The following DNAI1 variants were observed in gnomAD, a reference collection of about 807,000 sequenced individuals.
The protein encoded by DNAI1 is dynein axonemal intermediate chain 1.
A neutral mutation model predicts 92.0 loss-of-function variants in DNAI1; 67 were observed. The observed-to-expected ratio is 0.73, with a 90% confidence interval of 0.60 to 0.89. The LOEUF (loss-of-function observed/expected upper bound fraction) is 0.89. Ranked by LOEUF, DNAI1 falls within the 40% of genes least tolerant of loss-of-function variation. DNAI1 has a pLI of 0.00. For synonymous variants in DNAI1, 323 were observed against 319.6 expected (o/e 1.01, Z -0.11); for missense variants, 839 against 866.6 (o/e 0.97, Z 0.40).
intron 1 of DNAI1, among the ~76,000 whole-genome samples, chr9:34,470,333 G>T (rs1824114067): frequency 1.3e-5 from 2 of 151,594 alleles, no homozygotes; most frequent in African/African-American, 4.8e-5. Flanking sequence ...CTAGGAAAAA[G>T]AAAAAAACAA....
At chr9:34,477,209 G>T (rs577688067) in intron 1 of DNAI1, among the ~76,000 whole-genome samples, 1 of 152,190 alleles carries the variant, frequency 6.6e-6, no homozygotes, top group Non-Finnish European at 1.5e-5. Flanking sequence ...TGTGGAGATG[G>T]GGTGTGGCTT....
chr9:34,509,265 G>C (rs923962086), intron 13 of DNAI1, among the ~76,000 whole-genome samples: 1 of 152,078 alleles, frequency 6.6e-6, no homozygotes, highest in African/African-American at 2.4e-5. Flanking sequence ...GATGAAGAAG[G>C]GTACAAAGGG....
At chr9:34,477,473 A>G (rs913458696) in intron 1 of DNAI1, among the ~76,000 whole-genome samples, 1 of 152,176 alleles carries the variant, frequency 6.6e-6, no homozygotes. Flanking sequence ...AGCTTAGTAA[A>G]TGACCGGCCC....
chr9:34,493,265 G>T lies in DNAI1; in HGVS notation c.753G>T (p.Lys251Asn), dbSNP rs1167979080. ...AGACCAAAGAGAAGGAGAAGGCAAA[G>T]ACCCCAGTGGCTAAAAAATCAGGGA... ...QEKTKEKEKA[K>N]TPVAKKSGKM... The change falls in exon 9 of 20, where the codon AAG becomes AAT. Residue 251 changes from lysine (K) to asparagine (N), a missense_variant. Transcript: ENST00000242317. The T allele has an allele frequency of 1.2e-6, 2 of 1,614,190 alleles. No individual in the cohort carries two copies. The highest frequency in any genetic ancestry group is 2.2e-5 in the South Asian group (2 of 91,078).
rs574634869 is a variant in DNAI1 at position 34,496,970 on chromosome 9, A to G, written c.817-145A>G. 1.5e-4 allele frequency: 108 copies of G among 732,512 alleles called. No individual in the cohort carries two copies. In the African/African-American group the frequency reaches 1.8e-3, roughly 12 times the overall value. 45.4% of individuals were successfully genotyped at this position (732,512 alleles called of 1,614,324 possible). ...AGTGGCATGAGCTGGGCCTTGAGACATGCAGAGAAACCTTTACAGAGCTAT... is the reference window on the plus strand; with the variant it reads ...AGTGGCATGAGCTGGGCCTTGAGACGTGCAGAGAAACCTTTACAGAGCTAT... On this transcript the variant is annotated intron_variant, in intron 9 of 19. Coordinates refer to ENST00000242317, the MANE Select transcript of DNAI1 (RefSeq NM_012144.4).
At chr9:34,500,183 A>G (rs1017453217) in intron 10 of DNAI1, among the ~76,000 whole-genome samples, 1 of 152,226 alleles carries the variant, frequency 6.6e-6, no homozygotes, top group Admixed American at 6.5e-5. Context: ...AGTGGAAGGC[A>G]GAGACAATTT....
intron 8 of DNAI1, 115 bp from the exon 9 acceptor site, chr9:34,493,079 A>T (rs1587073295): frequency 7.2e-7 from 1 of 1,386,714 alleles, no homozygotes; most frequent in East Asian, 2.3e-5. Context: ...GCCAAGTAGA[A>T]GATGCTTGTT....
chr9:34,502,047 G>C (rs1178767951), intron 12 of DNAI1, among the ~76,000 whole-genome samples: 1 of 152,218 alleles, frequency 6.6e-6, no homozygotes, highest in African/African-American at 2.4e-5. Context: ...GGGAGGATCA[G>C]CTTCTGCAAA....
intron 19 of DNAI1, among the ~76,000 whole-genome samples, chr9:34,520,261 G>A (rs1470824746): frequency 6.6e-6 from 1 of 152,146 alleles, no homozygotes; most frequent in African/African-American, 2.4e-5. Context: ...TTAGCTCCTT[G>A]ATAGGTCTCG....
Position 34,485,434 on chromosome 9 carries a change from CAGGAGTTAA to C in DNAI1, c.184_192del (p.Leu62_Glu64del). 1 of 1,614,098 alleles carries C rather than the reference CAGGAGTTAA, an allele frequency of 6.2e-7. No individual in the cohort carries two copies. Among genetic ancestry groups the C allele is most frequent in the Non-Finnish European group, 8.5e-7 (1 of 1,180,012 alleles). On this transcript the variant is annotated splice_acceptor_variant and coding_sequence_variant, in exon 4 of 20. Transcript: ENST00000242317. LOFTEE classifies it high-confidence loss of function. ...TGACCCTCTTGGTATTTTTCTCCCT[CAGGAGTTAA>C]AGGAGGAGTTCACTCGGATTTTGAC...
intron 3 of DNAI1, 61 bp downstream of exon 3, chr9:34,485,301 T>C (rs1824448752): frequency 6.2e-7 from 1 of 1,607,568 alleles, no homozygotes; most frequent in African/African-American, 1.3e-5. Flanking sequence ...AGATGTGTTC[T>C]TCCATAGTAC....
Position 34,490,452 on chromosome 9 carries a change from T to C in DNAI1, c.585T>C (p.Ser195=). The change falls in exon 7 of 20, where the codon AGT becomes AGC. Residue 195 remains serine (S), a synonymous_variant. Transcript: ENST00000242317. ...ERKLTNQFNF[S]ERASQTYNNP... ...AGCTCACTAACCAGTTCAACTTCAG[T>C]GAGAGGGCCTCACAGACCTACAACA... 1 of 1,614,126 alleles carries C rather than the reference T, an allele frequency of 6.2e-7. No individual in the cohort carries two copies. The highest frequency in any genetic ancestry group is 8.5e-7 in the Non-Finnish European group (1 of 1,180,024).
At chr9:34,493,580 A>G (rs1824657403) in intron 9 of DNAI1, among the ~76,000 whole-genome samples, 1 of 152,174 alleles carries the variant, frequency 6.6e-6, no homozygotes, top group Non-Finnish European at 1.5e-5. Flanking sequence ...GCTAGAGGGT[A>G]ACAGAAGACA....
chr9:34,496,065 A>G (rs899374059), intron 9 of DNAI1, among the ~76,000 whole-genome samples: 1 of 152,198 alleles, frequency 6.6e-6, no homozygotes, highest in Non-Finnish European at 1.5e-5. Context: ...GAACTGGGTT[A>G]GACACTAACA....
rs780083408 is a variant in DNAI1, at chr9:34,517,396, A to G, written c.1930A>G (p.Ile644Val). 3.1e-6 allele frequency: 5 copies of G among 1,614,026 alleles called. No homozygotes were observed. The East Asian group carries it at 1.1e-4, about 36-fold the overall frequency. The change falls in exon 19 of 20, where the codon ATC becomes GTC. Residue 644 changes from isoleucine (I) to valine (V), a missense_variant. Ile to Val is a conservative substitution (Grantham distance 29, BLOSUM62 3). Coordinates refer to ENST00000242317, the MANE Select transcript of DNAI1 (RefSeq NM_012144.4). ...GCAGTTCAATCTCATCCACCCCATC[A>G]TCATTGTGGGCGATGACCGTGGGCA... ...HVQFNLIHPIIIVGDDRGHII... is the reference protein window; with the variant it reads ...HVQFNLIHPIVIVGDDRGHII...
chr9:34,505,045 G>A (rs965445590), intron 12 of DNAI1, among the ~76,000 whole-genome samples: 3 of 152,036 alleles, frequency 2.0e-5, no homozygotes, highest in East Asian at 1.9e-4. Flanking sequence ...CCTAAAGTAC[G>A]TTTGGGTCAA....
At chr9:34,510,056 C>T (rs1302524649) in intron 13 of DNAI1, among the ~76,000 whole-genome samples, 1 of 152,212 alleles carries the variant, frequency 6.6e-6, no homozygotes, top group African/African-American at 2.4e-5. Flanking sequence ...ATGTCAGAGA[C>T]ATCAGAGTCT....
intron 4 of DNAI1, among the ~76,000 whole-genome samples, chr9:34,486,339 CTTAGA>C (rs1377624547): frequency 2.0e-5 from 3 of 152,060 alleles, no homozygotes; most frequent in South Asian, 2.1e-4. Flanking sequence ...TTTATGAAAA[CTTAGA>C]TTAAATTAGA....
rs189324501 is a variant in DNAI1, at chr9:34,471,840, A to C, written c.49-11608A>C. Among the ~76,000 whole-genome samples, 178 of 152,312 alleles carry C rather than the reference A, an allele frequency of 1.2e-3. 1 individual carries two copies. The highest frequency in any genetic ancestry group is 4.0e-3 in the African/African-American group (165 of 41,566). ...AAAAATCCTATAATGATGACATCTC[A>C]ATAGATTCAGAAACAAAAACATTGA... On this transcript the variant is annotated intron_variant, in intron 1 of 19. Transcript: ENST00000242317.
Sources: gnomAD v4.1 joint callset for allele counts (sites outside exome capture counted in the v4.1 genomes callset) on GRCh38, gnomAD v4.1.1 for gene constraint, MANE v1.5 for transcripts, NCBI Gene and HGNC (gene_info 2026-07-23, HGNC 2026-07-21) for gene names.